The following BRWD1 variants were observed in gnomAD, a reference collection of about 807,000 sequenced individuals.
BRWD1 encodes the protein bromodomain and WD repeat domain containing 1.
A neutral mutation model predicts 251.2 loss-of-function variants in BRWD1; 82 were observed. That is an observed-to-expected ratio of 0.33 (90% CI 0.27 to 0.39). The LOEUF is 0.39. Among genes scored for constraint, BRWD1 ranks in the 10% least tolerant of loss-of-function variants. The pLI, the probability that BRWD1 is intolerant of heterozygous loss-of-function variation, is 1.00. For synonymous variants in BRWD1, 918 were observed against 902.8 expected, an observed-to-expected ratio of 1.02 and a Z score of -0.30; for missense variants, 2,233 against 2,711.6, an observed-to-expected ratio of 0.82 and a Z score of 3.92.
At chr21:39,310,677 C>G (rs996545069) in intron 4 of BRWD1, among the ~76,000 whole-genome samples, 2 of 152,108 alleles carry the variant, frequency 1.3e-5, no homozygotes, top group Non-Finnish European at 2.9e-5. Flanking sequence ...TTGTGTACAT[C>G]TGAAATACTT....
At chr21:39,235,627 G>T in intron 23 of BRWD1, 1 of 222,264 alleles carries the variant, frequency 4.5e-6, no homozygotes. Flanking sequence ...AAATCTCTAG[G>T]AGAAAAACTC....
chr21:39,304,757 T>C (rs949371125), intron 4 of BRWD1, among the ~76,000 whole-genome samples: 11 of 152,198 alleles, frequency 7.2e-5, no homozygotes, highest in African/African-American at 1.7e-4. Flanking sequence ...CACTGTGCCA[T>C]TGCTAACCAA....
upstream of BRWD1, chr21:39,313,907 G>A (rs975363100): frequency 1.9e-5 from 6 of 317,408 alleles, no homozygotes; most frequent in Admixed American, 2.0e-4. Context: ...TTTGTGAGGC[G>A]GCAGCGCGAC....
chr21:39,208,551 C>A lies in BRWD1; in HGVS notation c.4197+1444G>T, dbSNP rs554332251. On this transcript the variant is annotated intron_variant, in intron 36 of 40. Coordinates refer to ENST00000342449, the MANE Select transcript of BRWD1 (RefSeq NM_033656.4). ...ATTTTACTTTAAATATGACTTTTTACAATTATTCAACACATGAGCTACCTG... is the reference window on the plus strand; with the variant it reads ...ATTTTACTTTAAATATGACTTTTTAAAATTATTCAACACATGAGCTACCTG... 1.2e-4 allele frequency among the ~76,000 whole-genome samples: 19 copies of A among 152,276 alleles called. No individual in the cohort carries two copies. The East Asian group carries it at 3.7e-3, about 29-fold the overall frequency.
Position 39,269,933 on chromosome 21 carries a change from G to A in BRWD1, c.1496C>T (p.Thr499Ile). ...ATAATGTTTCATCTTGGTACCTTTT[G>A]TAATATCCCATATAAATATGCTGCC... ...HDGSIFIWDI[T>I]KGTKMKHYFN... The change falls in exon 15 of 41, where the codon ACA becomes ATA. Residue 499 changes from threonine (T) to isoleucine (I), a missense_variant. Thr to Ile is a moderately conservative substitution (Grantham distance 89). Around this residue, in one of 12 missense-constraint regions of BRWD1, gnomAD observed 315 missense variants for 421.8 expected, o/e 0.75. Transcript: ENST00000342449. The A allele has an allele frequency of 6.4e-7, 1 of 1,564,930 alleles. No individual in the cohort carries two copies. Among genetic ancestry groups the A allele is most frequent in the Non-Finnish European group, 8.7e-7 (1 of 1,154,406 alleles).
chr21:39,317,786 CTCG>C (rs1161594097), upstream of BRWD1, among the ~76,000 whole-genome samples: 1 of 152,232 alleles, frequency 6.6e-6, no homozygotes, highest in African/African-American at 2.4e-5. Context: ...CGTAGTGGCT[CTCG>C]TCTGTGCTAT....
chr21:39,273,600 T>C (rs1453899007), intron 13 of BRWD1, among the ~76,000 whole-genome samples: 2 of 151,992 alleles, frequency 1.3e-5, no homozygotes, highest in African/African-American at 4.8e-5. Flanking sequence ...CCAGGCATGG[T>C]GGCTCATGCT....
rs372562002 is a variant in BRWD1 at position 39,313,347 on chromosome 21, G to A, written c.50-48C>T. ...GTCAAGCCCCGGCGGGGAGGGGAGG[G>A]GGACGGGGCCAGGGGAGCCGGGGGA... On this transcript the variant is annotated intron_variant, in intron 1 of 40. Coordinates refer to ENST00000342449, the MANE Select transcript of BRWD1 (RefSeq NM_033656.4). 5.3e-6 allele frequency: 8 copies of A among 1,499,486 alleles called. No homozygotes were observed. In the African/African-American group the frequency reaches 7.4e-5, roughly 14 times the overall value. The allele number at this position is 1,499,486 out of a possible 1,614,324, so 92.9% of individuals were successfully genotyped here. A position where few individuals can be genotyped will look rare whatever the true frequency, so the allele number is the denominator to read the frequency against.
chr21:39,212,230 T>C (rs2032691946), intron 34 of BRWD1, among the ~76,000 whole-genome samples: 1 of 152,168 alleles, frequency 6.6e-6, no homozygotes, highest in African/African-American at 2.4e-5. Context: ...CTTCAAATTG[T>C]ATTATCTATT....
intron 29 of BRWD1, among the ~76,000 whole-genome samples, chr21:39,221,908 AAAAG>A (rs989936458): frequency 1.3e-5 from 2 of 152,272 alleles, no homozygotes; most frequent in East Asian, 1.9e-4. Context: ...CTCAAAAAAA[AAAAG>A]AAAGAAAGAA....
chr21:39,312,103 G>A (rs1356079797), intron 4 of BRWD1, among the ~76,000 whole-genome samples: 1 of 152,192 alleles, frequency 6.6e-6, no homozygotes, highest in South Asian at 2.1e-4. Flanking sequence ...TGCAACTGCT[G>A]TAACTATAGA....
At chr21:39,273,540 C>G (rs992530525) in intron 13 of BRWD1, among the ~76,000 whole-genome samples, 1 of 152,038 alleles carries the variant, frequency 6.6e-6, no homozygotes, top group Non-Finnish European at 1.5e-5. Context: ...CCCAAGAGTT[C>G]AAGATGAGCC....
At chr21:39,205,995 A>G (rs2032371353) in intron 37 of BRWD1, 113 bp downstream of exon 37, 1 of 1,049,514 alleles carries the variant, frequency 9.5e-7, no homozygotes, top group Non-Finnish European at 1.4e-6. Context: ...CAGGAAAATC[A>G]CTTGAACCCG....
At chr21:39,287,789 C>T (rs2035688042) in intron 8 of BRWD1, among the ~76,000 whole-genome samples, 2 of 152,064 alleles carry the variant, frequency 1.3e-5, no homozygotes, top group African/African-American at 2.4e-5. Context: ...GTTTGTTCTT[C>T]TCCTAACTTC....
intron 40 of BRWD1, 29 bp from the exon 41 acceptor site, chr21:39,197,444 A>C (rs373948345): frequency 2.0e-6 from 3 of 1,492,128 alleles, no homozygotes; most frequent in African/African-American, 1.4e-5. Context: ...ATTTCTATTA[A>C]TCTTTTGTAA....
intron 8 of BRWD1, among the ~76,000 whole-genome samples, chr21:39,284,081 G>C (rs2146715502): frequency 6.6e-6 from 1 of 152,206 alleles, no homozygotes; most frequent in Middle Eastern, 3.4e-3. Context: ...TTTACAACTT[G>C]TTCAGTGGTA....
rs953483647 is a variant in BRWD1, at chr21:39,209,970, T to C, written c.4197+25A>G. 3 of 1,603,016 alleles carry C rather than the reference T, an allele frequency of 1.9e-6. No homozygotes were observed. The African/African-American group carries it at 4.0e-5, about 22-fold the overall frequency. On this transcript the variant is annotated intron_variant, in intron 36 of 40. Coordinates refer to ENST00000342449, the MANE Select transcript of BRWD1 (RefSeq NM_033656.4). ...TATCTACACAGATCAGGCAGTTTTT[T>C]TCAATAAACCACATAAAAAATTACC...
intron 4 of BRWD1, among the ~76,000 whole-genome samples, chr21:39,304,278 A>C (rs1440167803): frequency 6.6e-6 from 1 of 151,900 alleles, no homozygotes; most frequent in Non-Finnish European, 1.5e-5. Context: ...AATGAGATAA[A>C]GAACAGGTAG....
Position 39,313,535 on chromosome 21 carries a change from G to A in BRWD1, c.-44C>T, listed in dbSNP as rs1157389916. 1 of 1,320,990 alleles carries A rather than the reference G, an allele frequency of 7.6e-7. No individual in the cohort carries two copies. The highest frequency in any genetic ancestry group is 1.6e-5 in the African/African-American group (1 of 64,480). 81.8% of individuals were successfully genotyped at this position (1,320,990 alleles called of 1,614,324 possible). ...AGGCGGGAGCGAGCGAGCGAGCGGA[G>A]CGTGTAGGCCGCGCCGAGGCCTGAC... On this transcript the variant is annotated 5_prime_UTR_variant, in exon 1 of 41. Coordinates refer to ENST00000342449, the MANE Select transcript of BRWD1 (RefSeq NM_033656.4).
Sources: allele counts gnomAD v4.1 joint callset (sites outside exome capture counted in the v4.1 genomes callset), GRCh38; gene constraint gnomAD v4.1.1; regional missense constraint gnomAD v4.1.1; transcripts MANE v1.5; gene names NCBI Gene and HGNC (gene_info 2026-07-23, HGNC 2026-07-21).